The following SCFD2 variants were observed in gnomAD, a reference collection of about 807,000 sequenced individuals.
SCFD2 encodes the protein sec1 family domain-containing protein 2.
In SCFD2, 54 loss-of-function variants were observed where a neutral mutation model predicts 58.9. The ratio of observed to expected loss-of-function variants is 0.92; its 90% CI spans 0.74 to 1.15. The LOEUF is 1.15. SCFD2 is among the 50% of genes most tolerant of loss of function. The probability of loss-of-function intolerance (pLI) is 0.00; values close to 1 mark genes in which losing one functional copy is unlikely to be tolerated. For synonymous variants in SCFD2, 321 were observed against 335.9 expected, an observed-to-expected ratio of 0.96 and a Z score of 0.49; for missense variants, 805 against 836.6, an observed-to-expected ratio of 0.96 and a Z score of 0.47.
intron 3 of SCFD2, among the ~76,000 whole-genome samples, chr4:53,293,658 T>C (rs1413115361): frequency 6.6e-6 from 1 of 152,172 alleles, no homozygotes; most frequent in Non-Finnish European, 1.5e-5. Flanking sequence ...AAAAATTCAG[T>C]GCTAACATCA....
chr4:53,042,708 T>C (rs1213053506), intron 5 of SCFD2, among the ~76,000 whole-genome samples: 1 of 152,098 alleles, frequency 6.6e-6, no homozygotes, highest in Non-Finnish European at 1.5e-5. Context: ...TTTTGTTTTT[T>C]TCAGCGAATT....
intron 7 of SCFD2, among the ~76,000 whole-genome samples, chr4:52,895,188 T>C (rs927101721): frequency 1.3e-5 from 2 of 152,148 alleles, no homozygotes; most frequent in African/African-American, 2.4e-5. Flanking sequence ...TTTTTTTTTA[T>C]ACTTTAAGTT....
chr4:53,059,786 T>G (rs1351033886), intron 5 of SCFD2, among the ~76,000 whole-genome samples: 1 of 152,124 alleles, frequency 6.6e-6, no homozygotes, highest in African/African-American at 2.4e-5. Flanking sequence ...AAAATATAAG[T>G]GTACTATATT....
chr4:53,257,077 C>A (rs900471846), intron 4 of SCFD2, among the ~76,000 whole-genome samples: 19 of 151,306 alleles, frequency 1.3e-4, no homozygotes, highest in African/African-American at 4.4e-4. Context: ...ATGTAACAAA[C>A]CTACACATGC....
chr4:52,933,304 C>G lies in SCFD2; in HGVS notation c.1562-12434G>C, dbSNP rs574497418. Among the ~76,000 whole-genome samples the G allele has an allele frequency of 5.3e-5, 8 of 152,238 alleles. No homozygotes were observed. In the South Asian group the frequency reaches 1.7e-3, roughly 32 times the overall value. The stretch of plus-strand genomic sequence containing the variant: ...TAGGTGCTTCTTACCCGGCCCGACC[C>G]CAGTCCAGACTTAGGCCCCCATGGA... On this transcript the variant is annotated intron_variant, in intron 5 of 8. Coordinates refer to ENST00000401642, the MANE Select transcript of SCFD2 (RefSeq NM_152540.4).
intron 4 of SCFD2, among the ~76,000 whole-genome samples, chr4:53,160,248 G>A (rs2148926365): frequency 6.6e-6 from 1 of 152,340 alleles, no homozygotes; most frequent in East Asian, 1.9e-4. Context: ...TCTGAGCACA[G>A]AACTGGTATG....
chr4:52,923,205 G>A (rs1307601351), intron 5 of SCFD2, among the ~76,000 whole-genome samples: 1 of 152,110 alleles, frequency 6.6e-6, no homozygotes, highest in African/African-American at 2.4e-5. Context: ...GGCTGGACAT[G>A]GTGGCTCACA....
intron 2 of SCFD2, among the ~76,000 whole-genome samples, chr4:53,332,364 A>C (rs368264917): frequency 4.1e-4 from 62 of 151,446 alleles, no homozygotes; most frequent in Non-Finnish European, 7.1e-4. Context: ...TACTGGCAAA[A>C]CGAATCCAGC....
chr4:53,269,289 C>T (rs1731087781), intron 4 of SCFD2, among the ~76,000 whole-genome samples: 1 of 152,072 alleles, frequency 6.6e-6, no homozygotes, highest in South Asian at 2.1e-4. Context: ...CATGCCACTG[C>T]ACTCAATCTG....
chr4:52,885,669 C>A, intron 8 of SCFD2, 78 bp downstream of exon 8: 1 of 1,554,558 alleles, frequency 6.4e-7, no homozygotes, highest in South Asian at 1.1e-5. Flanking sequence ...GGCACTGGGA[C>A]CCATAGGTGG....
rs1577691203 is a variant in SCFD2, at chr4:53,055,939, T to C, written c.1561+89394A>G. ...AGAAGAGCCACCCGCCTCTTAGAGA[T>C]GCTTCATGTGGTTCTCTCCTAGCCC... On this transcript the variant is annotated intron_variant, in intron 5 of 8. Transcript: ENST00000401642. Among the ~76,000 whole-genome samples, 3 of 152,130 alleles carry C rather than the reference T, an allele frequency of 2.0e-5. No individual in the cohort carries two copies. The East Asian group carries it at 5.8e-4, about 29-fold the overall frequency.
At chr4:53,328,800 A>G (rs1315220456) in intron 2 of SCFD2, among the ~76,000 whole-genome samples, 1 of 152,220 alleles carries the variant, frequency 6.6e-6, no homozygotes, top group Non-Finnish European at 1.5e-5. Flanking sequence ...GTGACGCAGA[A>G]GACAGGTGAT....
At chr4:52,886,570 C>T (rs927522611) in intron 7 of SCFD2, among the ~76,000 whole-genome samples, 1 of 152,248 alleles carries the variant, frequency 6.6e-6, no homozygotes, top group African/African-American at 2.4e-5. Flanking sequence ...GTAGGTGGGG[C>T]ATCTCCTGTG....
intron 4 of SCFD2, among the ~76,000 whole-genome samples, chr4:53,177,723 C>T (rs569625499): frequency 1.1e-4 from 17 of 152,196 alleles, no homozygotes; most frequent in Admixed American, 6.5e-4. Context: ...ATCCGGGAAG[C>T]GAAAGGGGTC....
chr4:53,099,711 C>T (rs1480867408), intron 5 of SCFD2, among the ~76,000 whole-genome samples: 1 of 152,168 alleles, frequency 6.6e-6, no homozygotes, highest in African/African-American at 2.4e-5. Context: ...TACTTACTCC[C>T]CCTACCCACT....
intron 5 of SCFD2, 44 bp from the exon 6 acceptor site, chr4:52,920,914 A>G: frequency 7.3e-7 from 1 of 1,378,530 alleles, no homozygotes; most frequent in South Asian, 1.3e-5. Flanking sequence ...TAAATCTTTA[A>G]GTTTTCATCA....
chr4:53,205,885 G>C (rs540458360), intron 4 of SCFD2, among the ~76,000 whole-genome samples: 10 of 151,170 alleles, frequency 6.6e-5, no homozygotes, highest in Admixed American at 1.3e-4. Context: ...TGGGCAAAAA[G>C]TTAGTAATAG....
At chr4:53,261,121 C>T (rs1017354811) in intron 4 of SCFD2, among the ~76,000 whole-genome samples, 4 of 152,040 alleles carry the variant, frequency 2.6e-5, no homozygotes, top group Non-Finnish European at 4.4e-5. Context: ...TTCTTCTTTT[C>T]TTGGTTAATG....
At chr4:52,932,316 C>T (rs1223145407) in intron 5 of SCFD2, among the ~76,000 whole-genome samples, 2 of 152,174 alleles carry the variant, frequency 1.3e-5, no homozygotes, top group African/African-American at 4.8e-5. Flanking sequence ...TTACACAAAC[C>T]TCTGTCACAG....
Sources: allele counts gnomAD v4.1 joint callset (sites outside exome capture counted in the v4.1 genomes callset), GRCh38; gene constraint gnomAD v4.1.1; transcripts MANE v1.5; gene names NCBI Gene and HGNC (gene_info 2026-07-23, HGNC 2026-07-21).